PRELID2: variants seen among roughly 807,000 people sequenced by gnomAD.
The protein encoded by PRELID2 is PRELI domain-containing protein 2.
A neutral mutation model predicts 28.4 loss-of-function variants in PRELID2; 25 were observed. That is an observed-to-expected ratio of 0.88 (90% CI 0.64 to 1.23). The LOEUF (loss-of-function observed/expected upper bound fraction) is 1.23, where lower values mean the gene tolerates loss of function less well. Ranked by LOEUF, PRELID2 falls within the 50% of genes most tolerant of loss-of-function variation. PRELID2 has a pLI of 0.00. For synonymous variants in PRELID2, 76 were observed against 71.6 expected, an observed-to-expected ratio of 1.06 and a Z score of -0.31; for missense variants, 201 against 214.4, an observed-to-expected ratio of 0.94 and a Z score of 0.39.
At chr5:145,340,960 C>G in the PRELID2 span, among the ~76,000 whole-genome samples, 2 of 151,570 alleles carry the variant, frequency 1.3e-5, no homozygotes, top group East Asian at 1.9e-4. Flanking sequence ...AATAACTGCA[C>G]CCTAATCACA....
intron 1 of PRELID2, among the ~76,000 whole-genome samples, chr5:145,644,043 G>T (rs1200516900): frequency 6.6e-6 from 1 of 152,156 alleles, no homozygotes; most frequent in Non-Finnish European, 1.5e-5. Flanking sequence ...GAGTTAGGGA[G>T]GAGTCTCTCT....
intron 5 of PRELID2, among the ~76,000 whole-genome samples, chr5:145,782,232 A>C (rs1027785678): frequency 6.6e-6 from 1 of 152,100 alleles, no homozygotes; most frequent in African/African-American, 2.4e-5. Flanking sequence ...CTTCATCTGA[A>C]CTCTCTGGGA....
At chr5:145,590,069 C>T (rs549464997) in intron 1 of PRELID2, among the ~76,000 whole-genome samples, 2 of 152,280 alleles carry the variant, frequency 1.3e-5, no homozygotes, top group South Asian at 2.1e-4. Context: ...CTCCAAATTC[C>T]TACATATTCT....
the PRELID2 span, among the ~76,000 whole-genome samples, chr5:145,258,427 G>A: frequency 6.6e-6 from 1 of 152,140 alleles, no homozygotes; most frequent in African/African-American, 2.4e-5. Flanking sequence ...GTTATGTTCA[G>A]GCAGAGGAGG....
At chr5:145,720,933 G>A (rs573945981) in intron 1 of PRELID2, among the ~76,000 whole-genome samples, 3 of 152,128 alleles carry the variant, frequency 2.0e-5, no homozygotes, top group Non-Finnish European at 4.4e-5. Flanking sequence ...TTTTGTTTAT[G>A]TGAGTTATAT....
intron 1 of PRELID2, among the ~76,000 whole-genome samples, chr5:145,707,013 T>G (rs572735385): frequency 6.6e-6 from 1 of 152,326 alleles, no homozygotes; most frequent in African/African-American, 2.4e-5. Flanking sequence ...AATCTGCATT[T>G]GACACAATCC....
intron 5 of PRELID2, among the ~76,000 whole-genome samples, chr5:145,791,561 G>GACAAAAA (rs1162425502): frequency 5.9e-5 from 9 of 152,146 alleles, no homozygotes; most frequent in Non-Finnish European, 1.0e-4. Context: ...GTGGTTGCCA[G>GACAAAAA]GGGCTAGGAG....
At chr5:145,373,034 A>AATATGATATATATTACAACATATATAAT in the PRELID2 span, among the ~76,000 whole-genome samples, 2 of 116,376 alleles carry the variant, frequency 1.7e-5, no homozygotes, top group Non-Finnish European at 3.3e-5. Context: ...CAACATATAT[A>AATATGATATATATTACAACATATATAAT]ATATGATATA....
At chr5:145,363,072 A>AT in the PRELID2 span, among the ~76,000 whole-genome samples, 2 of 151,364 alleles carry the variant, frequency 1.3e-5, no homozygotes, top group Non-Finnish European at 2.9e-5. Flanking sequence ...AAAAAAAAAA[A>AT]CAAGGCCTGC....
the PRELID2 span, among the ~76,000 whole-genome samples, chr5:145,237,644 T>C: frequency 6.6e-6 from 1 of 152,216 alleles, no homozygotes; most frequent in South Asian, 2.1e-4. Flanking sequence ...TTTTCCCCTG[T>C]ATCCATCATC....
chr5:145,327,462 A>G, the PRELID2 span, among the ~76,000 whole-genome samples: 1 of 152,098 alleles, frequency 6.6e-6, no homozygotes, highest in African/African-American at 2.4e-5. Context: ...CTATTTGCAT[A>G]GAATTTCTTT....
chr5:145,708,107 G>A (rs1755595498), intron 1 of PRELID2, among the ~76,000 whole-genome samples: 1 of 152,070 alleles, frequency 6.6e-6, no homozygotes, highest in Non-Finnish European at 1.5e-5. Context: ...TGTCTCCAAA[G>A]CACTCTTGGG....
At chr5:145,454,051 C>T in the PRELID2 span, among the ~76,000 whole-genome samples, 1 of 152,122 alleles carries the variant, frequency 6.6e-6, no homozygotes, top group African/African-American at 2.4e-5. Flanking sequence ...TTGTTTTCCA[C>T]AATGGTTGAA....
intron 1 of PRELID2, among the ~76,000 whole-genome samples, chr5:145,548,427 A>C (rs1752805310): frequency 6.6e-6 from 1 of 152,210 alleles, no homozygotes; most frequent in Admixed American, 6.5e-5. Context: ...AAACAAAATA[A>C]AATCATATAA....
chr5:145,538,179 T>C (rs116321855), intron 1 of PRELID2, among the ~76,000 whole-genome samples: 1,685 of 152,040 alleles, frequency 0.011, 15 homozygotes, highest in Non-Finnish European at 0.019. Flanking sequence ...GGCTCTCTGT[T>C]CTGTTTCATT....
chr5:145,781,042 TAAC>T (rs1581189228), intron 5 of PRELID2, among the ~76,000 whole-genome samples: 1 of 152,324 alleles, frequency 6.6e-6, no homozygotes, highest in East Asian at 1.9e-4. Context: ...CCTTTTCTCC[TAAC>T]AACAGGCAGA....
chr5:145,482,217 A>G (rs1321844095), intron 1 of PRELID2, among the ~76,000 whole-genome samples: 1 of 152,186 alleles, frequency 6.6e-6, no homozygotes, highest in Non-Finnish European at 1.5e-5. Context: ...GCAGGGAAGC[A>G]CCTCATAGTA....
At chr5:145,253,915 A>G in the PRELID2 span, among the ~76,000 whole-genome samples, 1 of 152,152 alleles carries the variant, frequency 6.6e-6, no homozygotes, top group Non-Finnish European at 1.5e-5. Flanking sequence ...GTATGATCTT[A>G]GAGAAATGTC....
At chr5:145,282,797 G>A in the PRELID2 span, among the ~76,000 whole-genome samples, 3 of 152,122 alleles carry the variant, frequency 2.0e-5, no homozygotes, top group African/African-American at 4.8e-5. Context: ...AGGATTACAG[G>A]CATGAGCCAC....
Sources: gnomAD v4.1 joint callset for allele counts (sites outside exome capture counted in the v4.1 genomes callset) on GRCh38, gnomAD v4.1.1 for gene constraint, MANE v1.5 for transcripts, NCBI Gene and HGNC (gene_info 2026-07-23, HGNC 2026-07-21) for gene names.